BTN2A1: variants seen among roughly 807,000 people sequenced by gnomAD.
BTN2A1 encodes the protein butyrophilin subfamily 2 member A1, also known as butyrophilin, subfamily 2, member A1.
BTN2A1 carries 41 observed loss-of-function variants against 34.5 expected under a neutral mutation model. The observed-to-expected ratio is 1.19, with a 90% CI of 0.93 to 1.54. The LOEUF (loss-of-function observed/expected upper bound fraction) is 1.54. Ranked by LOEUF, BTN2A1 falls within the 40% of genes most tolerant of loss-of-function variation. The probability of loss-of-function intolerance (pLI) is 0.00; values close to 1 mark genes in which losing one functional copy is unlikely to be tolerated. For synonymous variants in BTN2A1, 267 were observed against 258.6 expected, an observed-to-expected ratio of 1.03 and a Z score of -0.31; for missense variants, 642 against 662.0, an observed-to-expected ratio of 0.97 and a Z score of 0.33.
intron 7 of BTN2A1, among the ~76,000 whole-genome samples, chr6:26,475,567 G>GT (rs1763523769): frequency 6.6e-6 from 1 of 152,108 alleles, no homozygotes; most frequent in Admixed American, 6.5e-5. Flanking sequence ...TTTTGTGAAT[G>GT]TTTAACCAAG....
At chr6:26,462,810 T>C in intron 3 of BTN2A1, 3 of 1,286,346 alleles carry the variant, frequency 2.3e-6, no homozygotes, top group Non-Finnish European at 3.0e-6. Flanking sequence ...TTCTGGAAGC[T>C]GAGGTCTACT....
downstream of BTN2A1, among the ~76,000 whole-genome samples, chr6:26,472,017 T>A (rs1463371951): frequency 6.6e-6 from 1 of 152,278 alleles, no homozygotes; most frequent in Admixed American, 6.5e-5. Context: ...AAATGAGGAC[T>A]TCTTTTCATG....
At chr6:26,463,569 C>A (rs1385766449) in intron 4 of BTN2A1, 44 bp downstream of exon 4, 1 of 1,580,462 alleles carries the variant, frequency 6.3e-7, no homozygotes, top group South Asian at 1.2e-5. Context: ...CATGGGGGAT[C>A]CTCAGCACAC....
Position 26,463,227 on chromosome 6 carries a change from C to G in BTN2A1, c.431-17C>G. 6.4e-7 allele frequency: 1 copy of G among 1,557,074 alleles called. No individual in the cohort carries two copies. Among genetic ancestry groups the G allele is most frequent in the Non-Finnish European group, 8.7e-7 (1 of 1,154,412 alleles). ...AAAGGCACTGACTTTTGCCTGAACC[C>G]TGATATCTCTCCACAGGACTAGGCT... On this transcript the variant is annotated splice_polypyrimidine_tract_variant and intron_variant, in intron 3 of 7. Transcript: ENST00000312541.
At chr6:26,460,455 T>C (rs1248111895) in intron 3 of BTN2A1, among the ~76,000 whole-genome samples, 1 of 152,222 alleles carries the variant, frequency 6.6e-6, no homozygotes, top group Admixed American at 6.5e-5. Context: ...AAATTATATA[T>C]AGTTCCTGCT....
rs1252915412 is a variant in BTN2A1 at position 26,459,739 on chromosome 6, A to G, written c.341A>G (p.Asn114Ser). Residue 114 changes from asparagine to serine, a missense_variant, in exon 3 of 8, where the codon AAC becomes AGC. Coordinates refer to ENST00000312541, the MANE Select transcript of BTN2A1 (RefSeq NM_007049.5). ...GGCAGCGTGGCCCTGGTCATACACA[A>G]CATCACAGCCCAGGAAAACGGCACC... Reference protein sequence around the residue: ...SRGSVALVIHNITAQENGTYR... With the variant: ...SRGSVALVIHSITAQENGTYR... 6.2e-7 allele frequency: 1 copy of G among 1,614,148 alleles called. No individual in the cohort carries two copies. Among genetic ancestry groups the G allele is most frequent in the Non-Finnish European group, 8.5e-7 (1 of 1,180,006 alleles).
chr6:26,469,456 C>T lies in BTN2A1; in HGVS notation c.*907C>T. 1.3e-5 allele frequency: 6 copies of T among 467,844 alleles called. No individual in the cohort carries two copies. Among genetic ancestry groups the T allele is most frequent in the Non-Finnish European group, 1.7e-5 (6 of 357,050 alleles). The allele number at this position is 467,844 out of a possible 1,614,324, so 29.0% of individuals were successfully genotyped here. ...GTATTTATGGCATTTGAGATTGAAA[C>T]TAAGAAATGTTTTAATTTATTACCT... On this transcript the variant is annotated 3_prime_UTR_variant, in exon 8 of 8. Transcript: ENST00000312541.
In BTN2A1 at chr6:26,465,421, G is replaced by A. The variant is rs1237682173; in HGVS notation, c.934+15G>A. 3 of 1,611,486 alleles carry A rather than the reference G, an allele frequency of 1.9e-6. No individual in the cohort carries two copies. Among genetic ancestry groups the A allele is most frequent in the African/African-American group, 2.7e-5 (2 of 74,724 alleles). ...TCAAGTAAAAGGTAAAAGAGGCTGA[G>A]TATGGTGGCTCATGGCTTGAATCCC... On this transcript the variant is annotated intron_variant, in intron 5 of 7. Coordinates refer to ENST00000312541, the MANE Select transcript of BTN2A1 (RefSeq NM_007049.5).
chr6:26,467,514 G>A (rs1327536978), intron 7 of BTN2A1, among the ~76,000 whole-genome samples: 2 of 152,092 alleles, frequency 1.3e-5, no homozygotes, highest in East Asian at 1.9e-4. Flanking sequence ...GTTTCACCAT[G>A]TTGTCCAGGC....
rs926419394 is a variant in BTN2A1, at chr6:26,463,628, C to T, written c.712+103C>T. 3.0e-5 allele frequency: 41 copies of T among 1,374,634 alleles called. No individual in the cohort carries two copies. The African/African-American group carries it at 5.9e-4, about 20-fold the overall frequency. 85.2% of individuals were successfully genotyped at this position (1,374,634 alleles called of 1,614,324 possible). A position where few individuals can be genotyped will look rare whatever the true frequency, so the allele number is the denominator to read the frequency against. ...GGGGCAGCAGTGTGGGTGAAATAGTCCTGGGCCCTAAGGACCTGGAGGCTG... is the reference window on the plus strand; with the variant it reads ...GGGGCAGCAGTGTGGGTGAAATAGTTCTGGGCCCTAAGGACCTGGAGGCTG... On this transcript the variant is annotated intron_variant, in intron 4 of 7. Transcript: ENST00000312541.
rs767940501 is a variant in BTN2A1, at chr6:26,463,288, G to A, written c.475G>A (p.Gly159Arg). The A allele has an allele frequency of 6.9e-5, 111 of 1,613,176 alleles. No homozygotes were observed. The highest frequency in any genetic ancestry group is 8.6e-5 in the Non-Finnish European group (102 of 1,179,554). The change falls in exon 4 of 8, where the codon GGG becomes AGG. Residue 159 changes from glycine to arginine, a missense_variant. Physicochemically the swap from Gly to Arg is moderately radical, Grantham distance 125. Transcript: ENST00000312541. The stretch of plus-strand genomic sequence containing the variant: ...CATTTCAATGAGGGGCCATGAAGAC[G>A]GGGGCATCCGGCTGGAGTGCATATC... ...PLISMRGHEDGGIRLECISRG... is the reference protein window; with the variant it reads ...PLISMRGHEDRGIRLECISRG...
chr6:26,458,556 C>G, intron 1 of BTN2A1, 51 bp from the exon 2 acceptor site: 1 of 1,495,250 alleles, frequency 6.7e-7, no homozygotes, highest in South Asian at 1.1e-5. Flanking sequence ...TTGGGCCCGA[C>G]CAGCACTGAG....
chr6:26,464,261 C>T (rs752463107), intron 4 of BTN2A1, among the ~76,000 whole-genome samples: 4 of 152,178 alleles, frequency 2.6e-5, no homozygotes, highest in Admixed American at 6.5e-5. Context: ...CACACACTCA[C>T]AATTCATTCA....
chr6:26,465,199 A>C lies in BTN2A1; in HGVS notation c.727A>C (p.Ser243Arg), dbSNP rs754111579. ...TGCCTTTTCAGAATCCTTTATGCCC[A>C]GTGTGTCTCCCTGTGCAGTGGCCCT... ...VIFIPESFMP[S>R]VSPCAVALPI... The change falls in exon 5 of 8, where the codon AGT becomes CGT. Residue 243 changes from serine (S) to arginine (R), a missense_variant. By Grantham distance (110) the Ser-to-Arg change is moderately radical. Transcript: ENST00000312541. 6 of 1,613,900 alleles carry C rather than the reference A, an allele frequency of 3.7e-6. No individual in the cohort carries two copies. The highest frequency in any genetic ancestry group is 4.2e-6 in the Non-Finnish European group (5 of 1,179,876).
At chr6:26,459,118 C>T (rs1360681136) in intron 2 of BTN2A1, among the ~76,000 whole-genome samples, 1 of 152,134 alleles carries the variant, frequency 6.6e-6, no homozygotes, top group East Asian at 1.9e-4. Flanking sequence ...ACACTTACAG[C>T]TCATTTCAGT....
In BTN2A1 at chr6:26,468,243, G is replaced by A. The variant is rs138874074; in HGVS notation, c.1278G>A (p.Met426Ile). The A allele has an allele frequency of 5.6e-5, 91 of 1,614,078 alleles. No homozygotes were observed. Among genetic ancestry groups the A allele is most frequent in the Non-Finnish European group, 7.5e-5 (89 of 1,180,040 alleles). The stretch of plus-strand genomic sequence containing the variant: ...AGAATGGCTTCTGGACCTTGGAGAT[G>A]CATAAAGGGCAATACCGGGCCGTGT... Reference protein sequence around the residue: ...IPQNGFWTLEMHKGQYRAVSS... With the variant: ...IPQNGFWTLEIHKGQYRAVSS... Residue 426 changes from methionine to isoleucine, a missense_variant, in exon 8 of 8, where the codon ATG becomes ATA. Coordinates refer to ENST00000312541, the MANE Select transcript of BTN2A1 (RefSeq NM_007049.5).
intron 4 of BTN2A1, 26 bp downstream of exon 4, chr6:26,463,551 G>T (rs768058892): frequency 1.2e-6 from 2 of 1,601,036 alleles, no homozygotes; most frequent in Non-Finnish European, 1.7e-6. Flanking sequence ...TCTGAGACTC[G>T]TCGAGTGCAT....
Position 26,466,117 on chromosome 6 carries a change from T to C in BTN2A1, c.982+29T>C, listed in dbSNP as rs370205616. The C allele has an allele frequency of 2.0e-5, 32 of 1,612,828 alleles. No homozygotes were observed. In the African/African-American group the frequency reaches 2.3e-4, roughly 11 times the overall value. ...AGTGCCTCTGATGTTCCCTCAGATC[T>C]CAGCTTTCTCCACACTAGCCAGCTA... On this transcript the variant is annotated intron_variant, in intron 7 of 7. Coordinates refer to ENST00000312541, the MANE Select transcript of BTN2A1 (RefSeq NM_007049.5).
At chr6:26,476,080 C>G (rs1277150071) in intron 7 of BTN2A1, 1 of 1,486,972 alleles carries the variant, frequency 6.7e-7, no homozygotes, top group East Asian at 2.5e-5. Flanking sequence ...ATATGCAACC[C>G]ATGAACGCCT....
Sources: gnomAD v4.1 joint callset for allele counts (sites outside exome capture counted in the v4.1 genomes callset) on GRCh38, gnomAD v4.1.1 for gene constraint, MANE v1.5 for transcripts, NCBI Gene and HGNC (gene_info 2026-07-23, HGNC 2026-07-21) for gene names.